Variants in TGM2 observed in about 807,000 individuals in gnomAD.
TGM2 encodes protein-glutamine gamma-glutamyltransferase 2.
A neutral mutation model predicts 75.6 loss-of-function variants in TGM2; 53 were observed. The observed-to-expected ratio is 0.70, with a 90% CI of 0.56 to 0.88. The LOEUF is 0.88. Ranked by LOEUF, TGM2 falls within the 40% of genes least tolerant of loss-of-function variation. The pLI is 0.00. For synonymous variants in TGM2, 374 were observed against 381.1 expected, an observed-to-expected ratio of 0.98 and a Z score of 0.22; for missense variants, 842 against 928.5, an observed-to-expected ratio of 0.91 and a Z score of 1.21.
intron 6 of TGM2, among the ~76,000 whole-genome samples, chr20:38,142,414 T>C (rs2074987537): frequency 6.6e-6 from 1 of 152,116 alleles, no homozygotes; most frequent in African/African-American, 2.4e-5. Flanking sequence ...AGAAGGAGAC[T>C]CTAAAATACA....
intron 4 of TGM2, among the ~76,000 whole-genome samples, chr20:38,149,698 A>C (rs1443374751): frequency 2.0e-5 from 3 of 150,982 alleles, no homozygotes; most frequent in African/African-American, 7.3e-5. Flanking sequence ...AAAAAAAAAA[A>C]AAACAGGACC....
At chr20:38,146,569 A>T in intron 6 of TGM2, 148 bp downstream of exon 6, 1 of 890,552 alleles carries the variant, frequency 1.1e-6, no homozygotes, top group Non-Finnish European at 1.8e-6. Flanking sequence ...AGGACCGGAG[A>T]GGGTGGTCAC....
chr20:38,146,530 C>T (rs2075046299), intron 6 of TGM2, 187 bp downstream of exon 6: 1 of 749,476 alleles, frequency 1.3e-6, no homozygotes, highest in African/African-American at 1.7e-5. Context: ...TTGATCCTAA[C>T]AACCACTGGA....
rs368526188 is a variant in TGM2 at position 38,131,125 on chromosome 20, G to A, written c.1881C>T (p.Ala627=). ...CCGTCTTCTGCTCCTCAGTCAGGCC[G>A]GCCCCCTCCACAGTGAAGGTGCAGC... The part of the protein sequence containing the change: ...LEGCTFTVEG[A]GLTEEQKTVE... The change falls in exon 12 of 13, where the codon GCC becomes GCT. Residue 627 remains alanine, a synonymous_variant. Coordinates refer to ENST00000361475, the MANE Select transcript of TGM2 (RefSeq NM_004613.4). 1.1e-5 allele frequency: 18 copies of A among 1,613,164 alleles called. No individual in the cohort carries two copies. Among genetic ancestry groups the A allele is most frequent in the African/African-American group, 5.3e-5 (4 of 74,830 alleles).
intron 3 of TGM2, among the ~76,000 whole-genome samples, chr20:38,151,944 T>C (rs1320683354): frequency 6.6e-6 from 1 of 152,140 alleles, no homozygotes; most frequent in African/African-American, 2.4e-5. Context: ...CTGACTCCAC[T>C]TAACCGGTGA....
intron 8 of TGM2, 122 bp from the exon 9 acceptor site, chr20:38,139,776 A>G (rs1393124348): frequency 3.8e-6 from 5 of 1,321,274 alleles, no homozygotes; most frequent in Non-Finnish European, 5.2e-6. Context: ...CCTCTGACGG[A>G]AGGACTCCAC....
chr20:38,165,339 A>G (rs923954374), upstream of TGM2: 52 of 1,307,276 alleles, frequency 4.0e-5, no homozygotes, highest in Middle Eastern at 2.3e-4. Flanking sequence ...CCCCGCGGGA[A>G]GGCGGCGACC....
chr20:38,150,958 A>G lies in TGM2; in HGVS notation c.533T>C (p.Ile178Thr). 1.9e-6 allele frequency: 3 copies of G among 1,614,072 alleles called. No individual in the cohort carries two copies. Among genetic ancestry groups the G allele is most frequent in the Non-Finnish European group, 2.5e-6 (3 of 1,179,908 alleles). The part of the protein sequence containing the change: ...YQGSAKFIKN[I>T]PWNFGQFEDG... ...CCTTACCTGCCCAAAATTCCAAGGT[A>G]TGTTCTTGATGAACTTGGCCGAGCC... Residue 178 changes from isoleucine (I) to threonine (T), a missense_variant, in exon 4 of 13, where the codon ATA becomes ACA. Coordinates refer to ENST00000361475, the MANE Select transcript of TGM2 (RefSeq NM_004613.4).
intron 10 of TGM2, among the ~76,000 whole-genome samples, chr20:38,135,418 C>CAA (rs1442509490): frequency 1.3e-5 from 2 of 151,900 alleles, no homozygotes; most frequent in Non-Finnish European, 2.9e-5. Flanking sequence ...CACACACACA[C>CAA]ACACACACAC....
upstream of TGM2, among the ~76,000 whole-genome samples, chr20:38,166,180 G>A (rs45600631): frequency 0.023 from 3,071 of 133,226 alleles, 108 homozygotes; most frequent in African/African-American, 0.074. Context: ...ATAATCCTCC[G>A]ATCTCACCCA....
chr20:38,164,058 G>C (rs896314577), intron 1 of TGM2, among the ~76,000 whole-genome samples: 1 of 152,222 alleles, frequency 6.6e-6, no homozygotes, highest in African/African-American at 2.4e-5. Flanking sequence ...CATGGGGCTG[G>C]AGGCTCATCA....
At chr20:38,143,471 G>T (rs888936868) in intron 6 of TGM2, among the ~76,000 whole-genome samples, 2 of 152,176 alleles carry the variant, frequency 1.3e-5, no homozygotes, top group Admixed American at 1.3e-4. Context: ...ACCTGCCAAC[G>T]CCCTGTTTGC....
chr20:38,164,469 G>A (rs2075289149), intron 1 of TGM2, among the ~76,000 whole-genome samples: 1 of 152,198 alleles, frequency 6.6e-6, no homozygotes, highest in South Asian at 2.1e-4. Context: ...TATGAAATTA[G>A]TTAAGCCTCT....
intron 3 of TGM2, among the ~76,000 whole-genome samples, chr20:38,154,718 A>T (rs2075160602): frequency 6.6e-6 from 1 of 152,070 alleles, no homozygotes; most frequent in Non-Finnish European, 1.5e-5. Context: ...GGACGGTCTA[A>T]CTGCTCCTAC....
chr20:38,131,751 C>A (rs1368775390), intron 11 of TGM2, among the ~76,000 whole-genome samples: 1 of 151,994 alleles, frequency 6.6e-6, no homozygotes, highest in African/African-American at 2.4e-5. Context: ...TTGTGGGCTG[C>A]GGCTCCTCTA....
Position 38,141,308 on chromosome 20 carries a change from T to A in TGM2, c.1073A>T (p.Asp358Val). The A allele has an allele frequency of 3.8e-6, 6 of 1,584,982 alleles. No individual in the cohort carries two copies. Among genetic ancestry groups the A allele is most frequent in the Non-Finnish European group, 5.1e-6 (6 of 1,165,602 alleles). The change falls in exon 8 of 13, where the codon GAC (aspartate) becomes GTC (valine). Residue 358 changes from aspartate to valine, a missense_variant. Coordinates refer to ENST00000361475, the MANE Select transcript of TGM2 (RefSeq NM_004613.4). The part of the protein sequence containing the change: ...QPGYEGWQAL[D>V]PTPQEKSEGT... ...TTCGCTCTTCTCCTGGGGCGTTGGGTCCAGGGCCTGCCAGCCCTCGTACCC... is the reference window on the plus strand; with the variant it reads ...TTCGCTCTTCTCCTGGGGCGTTGGGACCAGGGCCTGCCAGCCCTCGTACCC...
At position 38,148,011 on chromosome 20, in the gene TGM2, A is replaced by T; in HGVS notation, c.631T>A (p.Cys211Ser). 1 of 1,610,782 alleles carries T rather than the reference A, an allele frequency of 6.2e-7. No individual in the cohort carries two copies. Among genetic ancestry groups the T allele is most frequent in the Non-Finnish European group, 8.5e-7 (1 of 1,178,714 alleles). Residue 211 changes from cysteine (C) to serine (S), a missense_variant, in exon 5 of 13, where the codon TGC becomes AGC. Coordinates refer to ENST00000361475, the MANE Select transcript of TGM2 (RefSeq NM_004613.4). ...TAGACGGGGCTGCTGCGGCGGGAGC[A>T]GTCACGGCCGGCGTTCTTCAGGAAC... ...PKFLKNAGRD[C>S]SRRSSPVYVG...
chr20:38,148,171 C>G, intron 4 of TGM2, 82 bp from the exon 5 acceptor site: 1 of 1,576,380 alleles, frequency 6.3e-7, no homozygotes, highest in Non-Finnish European at 8.7e-7. Context: ...CCTCCAGCAG[C>G]TGTTTCCCAC....
At chr20:38,166,762 C>T (rs1009532402), upstream of TGM2, among the ~76,000 whole-genome samples, 8 of 152,210 alleles carry the variant, frequency 5.3e-5, no homozygotes, top group Admixed American at 2.0e-4. Context: ...GTCAAACGGG[C>T]TCTGGCTGGA....
Sources: allele counts gnomAD v4.1 joint callset (sites outside exome capture counted in the v4.1 genomes callset), GRCh38; gene constraint gnomAD v4.1.1; transcripts MANE v1.5; gene names NCBI Gene and HGNC (gene_info 2026-07-23, HGNC 2026-07-21).